ERICH1: variants seen among roughly 807,000 people sequenced by gnomAD.
ERICH1 encodes the protein glutamate-rich protein 1.
In ERICH1, 56 loss-of-function variants were observed where a neutral mutation model predicts 39.6. The observed-to-expected ratio is 1.41, with a 90% confidence interval of 1.14 to 1.77. The LOEUF (loss-of-function observed/expected upper bound fraction) is 1.77. ERICH1 is among the 40% of genes most tolerant of loss of function. The pLI is 0.00. For missense variants in ERICH1, 826 were observed against 575.4 expected (o/e 1.44, Z -4.45); for synonymous variants, 313 against 223.6 (o/e 1.40, Z -3.57).
intron 1 of ERICH1, among the ~76,000 whole-genome samples, chr8:723,150 C>A (rs569192954): frequency 6.6e-6 from 1 of 152,238 alleles, no homozygotes; most frequent in Non-Finnish European, 1.5e-5. Flanking sequence ...CGCTCTCCCT[C>A]CCTCACCATA....
chr8:712,926 A>G (rs1815087109), intron 2 of ERICH1, among the ~76,000 whole-genome samples: 1 of 152,264 alleles, frequency 6.6e-6, no homozygotes, highest in Admixed American at 6.5e-5. Context: ...CACAATGGAC[A>G]GTGCATTAGC....
At chr8:661,655 C>G, downstream of ERICH1, among the ~76,000 whole-genome samples, 1 of 152,326 alleles carries the variant, frequency 6.6e-6, no homozygotes, top group East Asian at 1.9e-4. Flanking sequence ...AACAGATTAT[C>G]ATATCTATGC....
At chr8:641,678 C>T (rs972719929) in intron 3 of ERICH1, among the ~76,000 whole-genome samples, 12 of 152,232 alleles carry the variant, frequency 7.9e-5, no homozygotes, top group Admixed American at 5.2e-4. Context: ...GCGGCCGTCA[C>T]GCCTGGGTAC....
At chr8:695,218 C>T (rs1809880289) in intron 2 of ERICH1, among the ~76,000 whole-genome samples, 1 of 152,078 alleles carries the variant, frequency 6.6e-6, no homozygotes, top group South Asian at 2.1e-4. Flanking sequence ...TTCAGGTGAG[C>T]ACTGGGTACC....
chr8:687,628 G>A (rs1344316953), intron 3 of ERICH1, among the ~76,000 whole-genome samples: 1 of 152,192 alleles, frequency 6.6e-6, no homozygotes, highest in South Asian at 2.1e-4. Flanking sequence ...AGCGCAGCAG[G>A]AGGAAGGCAG....
At chr8:704,913 G>C (rs565907664) in intron 2 of ERICH1, among the ~76,000 whole-genome samples, 1 of 152,240 alleles carries the variant, frequency 6.6e-6, no homozygotes, top group East Asian at 1.9e-4. Flanking sequence ...AATAATTCCT[G>C]AGAATTATTT....
At chr8:628,338 T>C (rs1797719174) in intron 3 of ERICH1, among the ~76,000 whole-genome samples, 1 of 152,224 alleles carries the variant, frequency 6.6e-6, no homozygotes, top group South Asian at 2.1e-4. Flanking sequence ...AATACTACTT[T>C]ACTGGGAGTT....
At chr8:665,686 A>G (rs1435089305) in intron 5 of ERICH1, among the ~76,000 whole-genome samples, 1 of 152,238 alleles carries the variant, frequency 6.6e-6, no homozygotes, top group Non-Finnish European at 1.5e-5. Flanking sequence ...CTACTGATAA[A>G]GAGTACGTGT....
At chr8:677,727 A>C (rs1022032160) in intron 3 of ERICH1, among the ~76,000 whole-genome samples, 5 of 152,216 alleles carry the variant, frequency 3.3e-5, no homozygotes, top group Admixed American at 2.0e-4. Flanking sequence ...GGTGTCTATT[A>C]AAAAATGTGA....
At chr8:660,363 C>G (rs1295468811), downstream of ERICH1, among the ~76,000 whole-genome samples, 4 of 152,356 alleles carry the variant, frequency 2.6e-5, no homozygotes, top group African/African-American at 9.6e-5. Flanking sequence ...AAGAGGTTCT[C>G]CATACCAGAA....
intron 2 of ERICH1, among the ~76,000 whole-genome samples, chr8:699,973 A>ACCCGCACACGCGCACAGG (rs1554519994): frequency 1.3e-4 from 11 of 86,720 alleles, no homozygotes; most frequent in Admixed American, 3.3e-4. Flanking sequence ...ACGCGCACAG[A>ACCCGCACACGCGCACAGG]CCCGCACACG....
intron 3 of ERICH1, among the ~76,000 whole-genome samples, chr8:636,186 G>A: frequency 6.6e-6 from 1 of 152,154 alleles, no homozygotes; most frequent in East Asian, 1.9e-4. Flanking sequence ...CCACTGCCCT[G>A]GGCCGAGCTG....
At chr8:705,367 T>C (rs1272604442) in intron 2 of ERICH1, among the ~76,000 whole-genome samples, 3 of 152,252 alleles carry the variant, frequency 2.0e-5, no homozygotes, top group African/African-American at 4.8e-5. Flanking sequence ...ACGTTTTTTA[T>C]TGTGATTTCA....
intron 3 of ERICH1, among the ~76,000 whole-genome samples, chr8:630,221 T>C (rs1280711558): frequency 2.6e-4 from 29 of 113,330 alleles, no homozygotes; most frequent in East Asian, 1.1e-3. Flanking sequence ...CACACCCTCC[T>C]GTGACCACCC....
chr8:628,037 G>A (rs375922492), intron 3 of ERICH1, among the ~76,000 whole-genome samples: 2 of 152,136 alleles, frequency 1.3e-5, no homozygotes, highest in South Asian at 2.1e-4. Flanking sequence ...AGAAGCCAGC[G>A]GCCCCTCCCT....
chr8:679,784 G>A (rs1387777104), intron 3 of ERICH1, among the ~76,000 whole-genome samples: 5 of 152,348 alleles, frequency 3.3e-5, no homozygotes, highest in African/African-American at 1.2e-4. Flanking sequence ...CTCCAGGCAG[G>A]GCACCAGGGA....
intron 2 of ERICH1, among the ~76,000 whole-genome samples, chr8:708,681 GTTT>G (rs139731216): frequency 4.3e-4 from 28 of 65,766 alleles, no homozygotes; most frequent in South Asian, 1.9e-3. Context: ...GGGATAATGA[GTTT>G]TTTTTTTTTT....
chr8:700,838 C>T (rs1811948283), intron 2 of ERICH1, among the ~76,000 whole-genome samples: 1 of 152,198 alleles, frequency 6.6e-6, no homozygotes, highest in African/African-American at 2.4e-5. Context: ...TTCCAGATGG[C>T]AGATAAGAGG....
At chr8:716,031 A>G in intron 1 of ERICH1, 24 bp from the exon 2 acceptor site, 2 of 1,569,982 alleles carry the variant, frequency 1.3e-6, no homozygotes, top group Non-Finnish European at 1.7e-6. Flanking sequence ...CGATTAAAAG[A>G]AAAGGAGGAA....
Sources: allele counts gnomAD v4.1 joint callset (sites outside exome capture counted in the v4.1 genomes callset), GRCh38; gene constraint gnomAD v4.1.1; transcripts MANE v1.5; gene names NCBI Gene and HGNC (gene_info 2026-07-23, HGNC 2026-07-21).